LRFN2: variants seen among roughly 807,000 people sequenced by gnomAD.
The protein encoded by LRFN2 is leucine-rich repeat and fibronectin type-III domain-containing protein 2.
A neutral mutation model predicts 37.3 loss-of-function variants in LRFN2; 18 were observed. That is an observed-to-expected ratio of 0.48 (90% CI 0.33 to 0.72). The LOEUF (loss-of-function observed/expected upper bound fraction) is 0.72. Among genes scored for constraint, LRFN2 ranks in the 30% least tolerant of loss-of-function variants. LRFN2 has a pLI of 0.02. For missense variants in LRFN2, 1,006 were observed against 1,060.7 expected, an observed-to-expected ratio of 0.95 and a Z score of 0.72; for synonymous variants, 556 against 466.6, an observed-to-expected ratio of 1.19 and a Z score of -2.47.
intron 1 of LRFN2, among the ~76,000 whole-genome samples, chr6:40,472,132 T>C (rs1163602089): frequency 6.6e-6 from 1 of 152,210 alleles, no homozygotes; most frequent in Admixed American, 6.5e-5. Flanking sequence ...GAAACTTGAA[T>C]TCTTCCCCGG....
At chr6:40,537,247 G>T (rs1226132997) in intron 1 of LRFN2, among the ~76,000 whole-genome samples, 3 of 152,242 alleles carry the variant, frequency 2.0e-5, no homozygotes, top group Non-Finnish European at 4.4e-5. Context: ...GCCCATGGGG[G>T]CAGGAACCCC....
chr6:40,513,435 T>C (rs6937206), intron 1 of LRFN2, among the ~76,000 whole-genome samples: 85,711 of 151,732 alleles, frequency 0.56, 24,671 homozygotes, highest in Middle Eastern at 0.66. Context: ...GGTTTCACCA[T>C]GTTGGCCATG....
In LRFN2 at chr6:40,440,496, A is replaced by G. The variant is rs185046368; in HGVS notation, c.-18-7365T>C. 8.2e-3 allele frequency among the ~76,000 whole-genome samples: 1,245 copies of G among 152,162 alleles called. 16 individuals carry two copies. The highest frequency in any genetic ancestry group is 0.049 in the South Asian group (235 of 4,820). On this transcript the variant is annotated intron_variant, in intron 1 of 2. Coordinates refer to ENST00000338305, the MANE Select transcript of LRFN2 (RefSeq NM_020737.3). ...GGAGAGAATGAACGAATGAATGAAT[A>G]AATGAATGAATGAATGAATGGATGC...
chr6:40,474,945 T>A (rs1764677928), intron 1 of LRFN2, among the ~76,000 whole-genome samples: 4 of 152,218 alleles, frequency 2.6e-5, no homozygotes, highest in Admixed American at 2.6e-4. Flanking sequence ...GAAAACCCTG[T>A]GCTTTTCTGG....
intron 1 of LRFN2, among the ~76,000 whole-genome samples, chr6:40,498,206 C>T (rs973840300): frequency 6.6e-6 from 1 of 152,048 alleles, no homozygotes; most frequent in Non-Finnish European, 1.5e-5. Context: ...AAAGTGTAAG[C>T]AGGAGATGGG....
intron 2 of LRFN2, among the ~76,000 whole-genome samples, chr6:40,400,062 G>T (rs971046385): frequency 1.3e-5 from 2 of 151,576 alleles, no homozygotes; most frequent in Non-Finnish European, 2.9e-5. Context: ...ATCTTTTAAG[G>T]CCTGACTCAT....
At chr6:40,423,679 A>AG (rs1213311180) in intron 2 of LRFN2, among the ~76,000 whole-genome samples, 1 of 152,174 alleles carries the variant, frequency 6.6e-6, no homozygotes, top group African/African-American at 2.4e-5. Context: ...TACATTTCCT[A>AG]GCTTCCTTTG....
In LRFN2 at chr6:40,392,502, A is replaced by G. The variant is rs752216883; in HGVS notation, c.1811T>C (p.Val604Ala). Reference protein sequence around the residue: ...APPQGPPKVVVRNELLDFTAS... With the variant: ...APPQGPPKVVARNELLDFTAS... The stretch of plus-strand genomic sequence containing the variant: ...GGTGAAGTCCAGGAGCTCGTTGCGC[A>G]CCACCACCTTCGGCGGGCCCTGCGG... Residue 604 changes from valine (V) to alanine (A), a missense_variant, in exon 3 of 3, where the codon GTG becomes GCG. Val to Ala is a moderately conservative substitution (Grantham distance 64). This residue lies in a region of LRFN2 where 398 missense variants were observed against 327.6 expected (regional missense o/e 1.21). Coordinates refer to ENST00000338305, the MANE Select transcript of LRFN2 (RefSeq NM_020737.3). This position sits in a 1 kb window ranked among gnomAD's most constrained non-coding sequence, Gnocchi z 4.7. 1 of 1,585,506 alleles carries G rather than the reference A, an allele frequency of 6.3e-7. No homozygotes were observed. The highest frequency in any genetic ancestry group is 8.6e-7 in the Non-Finnish European group (1 of 1,167,306).
chr6:40,416,946 G>A (rs760543139), intron 2 of LRFN2, among the ~76,000 whole-genome samples: 50 of 152,216 alleles, frequency 3.3e-4, no homozygotes, highest in Non-Finnish European at 6.2e-4. Flanking sequence ...AGTCAGGGTG[G>A]GGAAGAATAG....
intron 1 of LRFN2, among the ~76,000 whole-genome samples, chr6:40,449,580 G>A (rs1764054751): frequency 6.6e-6 from 1 of 152,212 alleles, no homozygotes; most frequent in Admixed American, 6.5e-5. Context: ...GGACCATAAG[G>A]TGGTGGCCAG....
rs71307603 is a variant in LRFN2 at position 40,547,105 on chromosome 6, C to CTT, written c.-19+39834_-19+39835dup. 4.5e-3 allele frequency among the ~76,000 whole-genome samples: 630 copies of CTT among 139,436 alleles called. 4 individuals are homozygous for CTT. The highest frequency in any genetic ancestry group is 0.014 in the African/African-American group (521 of 38,232). 91.5% of individuals were successfully genotyped at this position (139,436 alleles called of 152,430 possible). A position where few individuals can be genotyped will look rare whatever the true frequency, so the allele number is the denominator to read the frequency against. On this transcript the variant is annotated intron_variant, in intron 1 of 2. Coordinates refer to ENST00000338305, the MANE Select transcript of LRFN2 (RefSeq NM_020737.3). ...TAAAAAAAATGGCAATAATGCAAAT[C>CTT]TTTTTTTTTTTTTTTTGAGATAGAG...
rs961971466 is a variant in LRFN2, at chr6:40,392,191, T to G, written c.2122A>C (p.Ser708Arg). The G allele has an allele frequency of 6.3e-7, 1 of 1,584,856 alleles. No individual in the cohort carries two copies. The highest frequency in any genetic ancestry group is 1.3e-5 in the African/African-American group (1 of 74,202). The change falls in exon 3 of 3, where the codon AGC becomes CGC. Residue 708 changes from serine (S) to arginine (R), a missense_variant. By Grantham distance (110) the Ser-to-Arg change is moderately radical. Around this residue, in one of 4 missense-constraint regions of LRFN2, gnomAD observed 398 missense variants for 327.6 expected, o/e 1.21. Transcript: ENST00000338305. The surrounding 1 kb of genome is among the most constrained non-coding windows in gnomAD (Gnocchi z 4.7). ...CCCTCCAACGGCAAGGGGAGCAGGC[T>G]CCTGGCCCGGGCCGCAGGGGGCCCC... ...LLGPPAARAR[S>R]LLPLPLEGKA... is the part of the protein sequence containing the mutation.
intron 1 of LRFN2, among the ~76,000 whole-genome samples, chr6:40,558,059 G>T (rs1199384828): frequency 1.3e-5 from 2 of 152,184 alleles, no homozygotes; most frequent in African/African-American, 4.8e-5. Flanking sequence ...GGTGCTCTGT[G>T]GGCCTCCTGA....
In LRFN2 at chr6:40,433,039, A is replaced by G. The variant is rs545388422; in HGVS notation, c.75T>C (p.Cys25=). The change falls in exon 2 of 3, where the codon TGT becomes TGC. Residue 25 remains cysteine (C), a synonymous_variant. Transcript: ENST00000338305. ...FAVVDACPKY[C]VCQNLSESLG... Reference sequence around the variant, plus strand: ...GTGACTCAGACAGATTCTGGCAGACACAGTACTTGGGGCAGGCGTCGACCA... The same window carrying G: ...GTGACTCAGACAGATTCTGGCAGACGCAGTACTTGGGGCAGGCGTCGACCA... 1.0e-5 allele frequency: 16 copies of G among 1,589,610 alleles called. No homozygotes were observed. In the Admixed American group the frequency reaches 1.8e-4, roughly 18 times the overall value.
At chr6:40,582,367 G>T (rs1417515) in intron 1 of LRFN2, among the ~76,000 whole-genome samples, 3 of 151,074 alleles carry the variant, frequency 2.0e-5, no homozygotes, top group Admixed American at 6.6e-5. Flanking sequence ...TTGCAATCTC[G>T]TATGTTTTTG....
intron 1 of LRFN2, among the ~76,000 whole-genome samples, chr6:40,530,728 G>A (rs990457805): frequency 7.2e-5 from 11 of 151,950 alleles, no homozygotes; most frequent in Non-Finnish European, 1.2e-4. Context: ...TCTACTGATG[G>A]CCCTCAGTTC....
intron 1 of LRFN2, among the ~76,000 whole-genome samples, chr6:40,437,086 C>T (rs892986054): frequency 6.6e-6 from 1 of 152,058 alleles, no homozygotes; most frequent in African/African-American, 2.4e-5. Flanking sequence ...GTAAATGCAT[C>T]AGTGTTCTAA....
chr6:40,476,249 T>C (rs1174025218), intron 1 of LRFN2, among the ~76,000 whole-genome samples: 4 of 152,238 alleles, frequency 2.6e-5, no homozygotes, highest in Non-Finnish European at 5.9e-5. Flanking sequence ...ATTGAAGTTA[T>C]CTGGGCTGGT....
At chr6:40,557,258 G>A (rs1385054804) in intron 1 of LRFN2, among the ~76,000 whole-genome samples, 2 of 152,198 alleles carry the variant, frequency 1.3e-5, no homozygotes, top group Non-Finnish European at 2.9e-5. Flanking sequence ...AAACCAGCCT[G>A]GCCCCAAGGC....
Sources: gnomAD v4.1 joint callset for allele counts (sites outside exome capture counted in the v4.1 genomes callset) on GRCh38, gnomAD v4.1.1 for gene constraint, gnomAD v4.1.1 regional missense constraint, Gnocchi (gnomAD v3.1) non-coding constraint, MANE v1.5 for transcripts, NCBI Gene and HGNC (gene_info 2026-07-23, HGNC 2026-07-21) for gene names.